Variants in ARID4B observed in about 807,000 individuals in gnomAD.
ARID4B encodes the protein AT-rich interaction domain 4B, also known as AT-rich interactive domain-containing protein 4B.
A neutral mutation model predicts 147.5 loss-of-function variants in ARID4B; 26 were observed. That is an observed-to-expected ratio of 0.18 (90% confidence interval 0.13 to 0.24). The LOEUF (loss-of-function observed/expected upper bound fraction) is 0.24. Among genes scored for constraint, ARID4B ranks in the 10% least tolerant of loss-of-function variants. The pLI is 1.00. For synonymous variants in ARID4B, 512 were observed against 507.9 expected, an observed-to-expected ratio of 1.01 and a Z score of -0.11; for missense variants, 1,179 against 1,511.5, an observed-to-expected ratio of 0.78 and a Z score of 3.65.
chr1:235,296,085 C>A (rs2103227407), intron 2 of ARID4B: 1 of 169,560 alleles, frequency 5.9e-6, no homozygotes, highest in South Asian at 1.5e-4. Context: ...CAGGAGAAAC[C>A]AGCTTGACCA....
At chr1:235,219,107 G>A (rs1667279147) in intron 16 of ARID4B, among the ~76,000 whole-genome samples, 1 of 151,918 alleles carries the variant, frequency 6.6e-6, no homozygotes, top group African/African-American at 2.4e-5. Flanking sequence ...CAAGTGATCT[G>A]CCCGCCCCGG....
intron 7 of ARID4B, 49 bp from the exon 8 acceptor site, chr1:235,240,500 A>G: frequency 6.4e-7 from 1 of 1,551,722 alleles, no homozygotes; most frequent in Non-Finnish European, 8.8e-7. Flanking sequence ...CACAAAGAAT[A>G]AGCATGCCAA....
chr1:235,199,941 C>A (rs1665772282), intron 17 of ARID4B, among the ~76,000 whole-genome samples: 1 of 151,702 alleles, frequency 6.6e-6, no homozygotes, highest in South Asian at 2.1e-4. Context: ...ATGTAATTAC[C>A]CATTACAATA....
At chr1:235,291,981 T>C (rs991639109) in intron 2 of ARID4B, among the ~76,000 whole-genome samples, 3 of 152,146 alleles carry the variant, frequency 2.0e-5, no homozygotes, top group African/African-American at 7.2e-5. Context: ...ATTTAACAAT[T>C]GGAGGTAAAA....
At position 235,194,045 on chromosome 1, in the gene ARID4B, A is replaced by G. The variant is rs751755574; in HGVS notation, c.2093T>C (p.Ile698Thr). Residue 698 changes from isoleucine to threonine, a missense_variant, in exon 19 of 24, where the codon ATA becomes ACA. Transcript: ENST00000264183. ...KNSDTAHIKS[I>T]EITSILNGLQ... is the part of the protein sequence containing the mutation. The stretch of plus-strand genomic sequence containing the variant: ...TCCATTAAGGATCGAAGTAATTTCT[A>G]TGGACTTAATATGAGCAGTATCAGA... 16 of 1,611,084 alleles carry G rather than the reference A, an allele frequency of 9.9e-6. No homozygotes were observed. Among genetic ancestry groups the G allele is most frequent in the Non-Finnish European group, 1.3e-5 (15 of 1,177,458 alleles).
intron 10 of ARID4B, among the ~76,000 whole-genome samples, chr1:235,230,719 C>T (rs1274585821): frequency 6.6e-6 from 1 of 151,086 alleles, no homozygotes; most frequent in African/African-American, 2.4e-5. Context: ...CTCAGGAGTT[C>T]GAGACCGGCC....
chr1:235,181,590 T>A lies in ARID4B; in HGVS notation c.3329A>T (p.Glu1110Val). 1.2e-6 allele frequency: 2 copies of A among 1,611,046 alleles called. No homozygotes were observed. Among genetic ancestry groups the A allele is most frequent in the South Asian group, 1.1e-5 (1 of 90,626 alleles). Reference sequence around the variant, plus strand: ...ATACACATTTTCCTTCTCACCTTTTTCAGGATGTTCTGGTTCTGGCTGATT... The same window carrying A: ...ATACACATTTTCCTTCTCACCTTTTACAGGATGTTCTGGTTCTGGCTGATT... ...SSNQPEPEHP[E>V]KACTGQKRVK... is the part of the protein sequence containing the mutation. Residue 1110 changes from glutamate (E) to valine (V), a missense_variant, in exon 20 of 24, where the codon GAA becomes GTA. By Grantham distance (121) the Glu-to-Val change is moderately radical (BLOSUM62 -2). This residue lies in a region of ARID4B where 357 missense variants were observed against 427.3 expected (regional missense o/e 0.84). Transcript: ENST00000264183.
chr1:235,198,791 A>G (rs1665676039), intron 17 of ARID4B, among the ~76,000 whole-genome samples: 1 of 152,240 alleles, frequency 6.6e-6, no homozygotes, highest in Non-Finnish European at 1.5e-5. Context: ...ACTATTCTGG[A>G]AAATTTTTGT....
At chr1:235,190,460 G>GGA (rs1553284637) in intron 19 of ARID4B, among the ~76,000 whole-genome samples, 3 of 145,226 alleles carry the variant, frequency 2.1e-5, no homozygotes, top group African/African-American at 7.7e-5. Flanking sequence ...AAAAAGAAAA[G>GGA]AAAAAAAAAA....
intron 2 of ARID4B, among the ~76,000 whole-genome samples, chr1:235,287,360 A>T (rs1043990072): frequency 6.6e-6 from 1 of 152,160 alleles, no homozygotes; most frequent in African/African-American, 2.4e-5. Context: ...AGAAAAGAGA[A>T]CTAGAGAGAC....
At chr1:235,288,187 C>T (rs1296084953) in intron 2 of ARID4B, among the ~76,000 whole-genome samples, 1 of 152,136 alleles carries the variant, frequency 6.6e-6, no homozygotes, top group Non-Finnish European at 1.5e-5. Context: ...TGGTGGGCAC[C>T]TGTAGTCACA....
At chr1:235,203,930 T>G (rs1666122694) in intron 17 of ARID4B, among the ~76,000 whole-genome samples, 1 of 152,194 alleles carries the variant, frequency 6.6e-6, no homozygotes, top group Non-Finnish European at 1.5e-5. Context: ...TTAATCTGAC[T>G]ATCTAAAACA....
chr1:235,281,676 C>T (rs929197687), intron 2 of ARID4B, among the ~76,000 whole-genome samples: 3 of 152,162 alleles, frequency 2.0e-5, no homozygotes, highest in Admixed American at 6.5e-5. Flanking sequence ...TGCCTCTGCA[C>T]TCCAGCCTGA....
At chr1:235,181,275 T>C (rs1664290511) in intron 20 of ARID4B, 3 of 563,080 alleles carry the variant, frequency 5.3e-6, no homozygotes, top group Admixed American at 4.5e-5. Flanking sequence ...TCATGCCATA[T>C]AGTCAACCAC....
chr1:235,211,777 T>A (rs1480383282), intron 17 of ARID4B, among the ~76,000 whole-genome samples: 1 of 152,320 alleles, frequency 6.6e-6, no homozygotes, highest in East Asian at 1.9e-4. Context: ...ACATTTACAT[T>A]TATATCCTAG....
chr1:235,220,596 C>G (rs745338756), intron 14 of ARID4B, 51 bp from the exon 15 acceptor site: 1 of 1,376,598 alleles, frequency 7.3e-7, no homozygotes, highest in South Asian at 1.6e-5. Flanking sequence ...CAAAATATAA[C>G]TATAGAGTTA....
At chr1:235,255,600 G>A in intron 5 of ARID4B, 60 bp downstream of exon 5, 1 of 1,056,578 alleles carries the variant, frequency 9.5e-7, no homozygotes, top group Non-Finnish European at 1.4e-6. Context: ...CATTTTATTT[G>A]TATTAAGTTT....
Position 235,182,090 on chromosome 1 carries a change from A to G in ARID4B, c.2829T>C (p.Leu943=), listed in dbSNP as rs1664354010. The G allele has an allele frequency of 6.2e-7, 1 of 1,614,080 alleles. No individual in the cohort carries two copies. The highest frequency in any genetic ancestry group is 8.5e-7 in the Non-Finnish European group (1 of 1,180,032). Reference sequence around the variant, plus strand: ...CAGCCTCAGTATCAGAGTCTGAAAAAAGCTCTTTCAGCGTTTTTTTAGGCC... The same window carrying G: ...CAGCCTCAGTATCAGAGTCTGAAAAGAGCTCTTTCAGCGTTTTTTTAGGCC... ...GQWPKKTLKE[L]FSDSDTEAAA... Residue 943 remains leucine, a synonymous_variant, in exon 20 of 24, where the codon CTT becomes CTC. Coordinates refer to ENST00000264183, the MANE Select transcript of ARID4B (RefSeq NM_016374.6).
At chr1:235,319,724 C>G (rs571498183) in intron 2 of ARID4B, among the ~76,000 whole-genome samples, 1 of 151,956 alleles carries the variant, frequency 6.6e-6, no homozygotes. Context: ...AAAGGGAGGA[C>G]GGCCAGGTGC....
Sources: gnomAD v4.1 joint callset for allele counts (sites outside exome capture counted in the v4.1 genomes callset) on GRCh38, gnomAD v4.1.1 for gene constraint, gnomAD v4.1.1 regional missense constraint, MANE v1.5 for transcripts, NCBI Gene and HGNC (gene_info 2026-07-23, HGNC 2026-07-21) for gene names.